FAM13C: variants seen among roughly 807,000 people sequenced by gnomAD.
The protein encoded by FAM13C is protein FAM13C.
A neutral mutation model predicts 73.2 loss-of-function variants in FAM13C; 37 were observed. The observed-to-expected ratio is 0.51, with a 90% confidence interval of 0.39 to 0.67. FAM13C has a LOEUF of 0.67. Ranked by LOEUF, FAM13C falls within the 30% of genes least tolerant of loss-of-function variation. The pLI, the probability that FAM13C is intolerant of heterozygous loss-of-function variation, is 0.00. For missense variants in FAM13C, 589 were observed against 715.6 expected (o/e 0.82, Z 2.02); for synonymous variants, 246 against 260.9 (o/e 0.94, Z 0.55).
In FAM13C at chr10:59,246,362, A is replaced by ATATT. The variant is rs1840709377; in HGVS notation, c.*1248_*1251dup. On this transcript the variant is annotated 3_prime_UTR_variant, in exon 14 of 14. Transcript: ENST00000618804. ...TATTCTGATTCATAAAAGTTATAAA[A>ATATT]TATTAGGTAAATACAGAGAAAACAA... The ATATT allele has an allele frequency of 3.9e-6, 1 of 257,704 alleles. No individual in the cohort carries two copies. The highest frequency in any genetic ancestry group is 7.3e-6 in the Non-Finnish European group (1 of 137,306). 16.0% of individuals were successfully genotyped at this position (257,704 alleles called of 1,614,324 possible).
chr10:59,306,974 G>C (rs4948330), intron 4 of FAM13C, among the ~76,000 whole-genome samples: 45,979 of 152,022 alleles, frequency 0.3, 7,320 homozygotes, highest in South Asian at 0.38. Context: ...GAAGTCTTGG[G>C]TGTGGATTCA....
intron 3 of FAM13C, among the ~76,000 whole-genome samples, chr10:59,335,793 C>T (rs913449019): frequency 5.9e-5 from 9 of 152,220 alleles, no homozygotes; most frequent in Non-Finnish European, 1.3e-4. Flanking sequence ...GCAATAAAAG[C>T]TCCATGAAGG....
intron 5 of FAM13C, among the ~76,000 whole-genome samples, chr10:59,289,504 A>G (rs1289608530): frequency 6.6e-6 from 1 of 152,188 alleles, no homozygotes; most frequent in Non-Finnish European, 1.5e-5. Flanking sequence ...ATCCAGCTCC[A>G]CATGGAAAGC....
intron 6 of FAM13C, among the ~76,000 whole-genome samples, chr10:59,275,845 A>T (rs993128437): frequency 3.3e-5 from 5 of 152,210 alleles, no homozygotes; most frequent in East Asian, 3.8e-4. Flanking sequence ...AAAGTAAATT[A>T]AAAAAATTAA....
chr10:59,272,059 G>C (rs1473663743), intron 6 of FAM13C, among the ~76,000 whole-genome samples: 1 of 152,144 alleles, frequency 6.6e-6, no homozygotes, highest in Admixed American at 6.6e-5. Context: ...AACCCATAGA[G>C]TCCTAAAATA....
chr10:59,275,979 T>G (rs991009015), intron 6 of FAM13C, among the ~76,000 whole-genome samples: 3 of 152,080 alleles, frequency 2.0e-5, no homozygotes, highest in African/African-American at 4.8e-5. Flanking sequence ...AAACAAGGGG[T>G]TAATGCAAAG....
At chr10:59,342,847 T>A (rs890745194) in intron 3 of FAM13C, among the ~76,000 whole-genome samples, 3 of 152,200 alleles carry the variant, frequency 2.0e-5, no homozygotes, top group Non-Finnish European at 4.4e-5. Flanking sequence ...CAGCTTTACT[T>A]CTAAGCTCCA....
At chr10:59,317,888 T>TC (rs978287628) in intron 4 of FAM13C, among the ~76,000 whole-genome samples, 10 of 150,248 alleles carry the variant, frequency 6.7e-5, no homozygotes, top group African/African-American at 1.5e-4. Context: ...ATGCTATCCC[T>TC]CCCCCCTTCC....
intron 4 of FAM13C, among the ~76,000 whole-genome samples, chr10:59,315,565 G>A (rs1440267619): frequency 6.6e-6 from 1 of 152,064 alleles, no homozygotes; most frequent in Non-Finnish European, 1.5e-5. Context: ...CATTCTGTGG[G>A]CTAGAGCCAA....
intron 3 of FAM13C, among the ~76,000 whole-genome samples, chr10:59,335,850 T>C (rs1852655157): frequency 6.6e-6 from 1 of 152,210 alleles, no homozygotes; most frequent in African/African-American, 2.4e-5. Flanking sequence ...ATACAGAGAC[T>C]CAATAAATAT....
chr10:59,302,796 C>T lies in FAM13C; in HGVS notation c.507+5G>A, dbSNP rs759618790. 8.7e-6 allele frequency: 14 copies of T among 1,613,312 alleles called. No homozygotes were observed. Among genetic ancestry groups the T allele is most frequent in the African/African-American group, 4.0e-5 (3 of 74,912 alleles). On this transcript the variant is annotated splice_donor_5th_base_variant and intron_variant, in intron 5 of 13. Coordinates refer to ENST00000618804, the MANE Select transcript of FAM13C (RefSeq NM_198215.4). ...GTTCTTATAACCAGTAATGATTGCA[C>T]GTACCTCATTTAAGTCCTGCCGAGT... is the stretch of plus-strand genomic sequence containing the variant.
At chr10:59,276,389 A>G (rs1360446900) in intron 6 of FAM13C, among the ~76,000 whole-genome samples, 1 of 152,206 alleles carries the variant, frequency 6.6e-6, no homozygotes, top group Non-Finnish European at 1.5e-5. Context: ...AGCTTTTAAC[A>G]TAATGACAGC....
intron 3 of FAM13C, among the ~76,000 whole-genome samples, chr10:59,351,764 C>A (rs551501316): frequency 6.6e-6 from 1 of 152,072 alleles, no homozygotes; most frequent in Non-Finnish European, 1.5e-5. Context: ...GAGGCCGAGG[C>A]GGGTGGATCA....
chr10:59,312,648 C>G (rs538014120), intron 4 of FAM13C, among the ~76,000 whole-genome samples: 5 of 152,326 alleles, frequency 3.3e-5, no homozygotes, highest in Admixed American at 3.3e-4. Flanking sequence ...CCACCACCAA[C>G]TTTTCTGACA....
intron 5 of FAM13C, among the ~76,000 whole-genome samples, chr10:59,289,228 G>A (rs981856879): frequency 2.6e-5 from 4 of 152,138 alleles, no homozygotes; most frequent in Non-Finnish European, 4.4e-5. Context: ...GACAGGAGGC[G>A]GAGCTCAGGC....
rs1841681536 is a variant in FAM13C at position 59,254,057 on chromosome 10, A to G, written c.1332+291T>C. The G allele has an allele frequency of 1.1e-5, 4 of 360,272 alleles. No homozygotes were observed. In the Admixed American group the frequency reaches 1.9e-4, roughly 17 times the overall value. 22.3% of individuals were successfully genotyped at this position (360,272 alleles called of 1,614,324 possible). A position where few individuals can be genotyped will look rare whatever the true frequency, so the allele number is the denominator to read the frequency against. ...CTGTGTTACAAATTAGAAAATGCCA[A>G]ACTGAAATCTATCATTTCTTTTCAC... On this transcript the variant is annotated intron_variant, in intron 11 of 13. Transcript: ENST00000618804.
chr10:59,318,421 C>T (rs746393165), intron 4 of FAM13C, among the ~76,000 whole-genome samples: 15 of 151,972 alleles, frequency 9.9e-5, no homozygotes, highest in South Asian at 6.2e-4. Context: ...TTCAGGAGCT[C>T]GTATTCTTTA....
chr10:59,330,605 G>C (rs2134093639), intron 3 of FAM13C, among the ~76,000 whole-genome samples: 1 of 152,220 alleles, frequency 6.6e-6, no homozygotes, highest in African/African-American at 2.4e-5. Flanking sequence ...AGGGAGGCAG[G>C]ATTTACCAGT....
rs190554358 is a variant in FAM13C at position 59,295,548 on chromosome 10, C to T, written c.507+7253G>A. ...AGAAGCTGGGACGGGGGCTTTTCTC[C>T]AGAACCTCCAGATAAGAAACTACCC... On this transcript the variant is annotated intron_variant, in intron 5 of 13. Transcript: ENST00000618804. Among the ~76,000 whole-genome samples the T allele has an allele frequency of 1.2e-3, 189 of 152,202 alleles. 1 individual carries two copies. The highest frequency in any genetic ancestry group is 4.4e-3 in the African/African-American group (184 of 41,530).
Sources: gnomAD v4.1 joint callset for allele counts (sites outside exome capture counted in the v4.1 genomes callset) on GRCh38, gnomAD v4.1.1 for gene constraint, MANE v1.5 for transcripts, NCBI Gene and HGNC (gene_info 2026-07-23, HGNC 2026-07-21) for gene names.